The following ALDH1L1 variants were observed in gnomAD, a reference collection of about 807,000 sequenced individuals.
ALDH1L1 encodes the protein aldehyde dehydrogenase 1 family member L1.
ALDH1L1 carries 68 observed loss-of-function variants against 101.1 expected under a neutral mutation model. The ratio of observed to expected loss-of-function variants is 0.67; its 90% CI spans 0.55 to 0.82. The LOEUF is 0.82. Among genes scored for constraint, ALDH1L1 ranks in the 40% least tolerant of loss-of-function variants. ALDH1L1 has a pLI of 0.00. For synonymous variants in ALDH1L1, 486 were observed against 470.8 expected, an observed-to-expected ratio of 1.03 and a Z score of -0.42; for missense variants, 1,087 against 1,172.7, an observed-to-expected ratio of 0.93 and a Z score of 1.07.
chr3:126,108,228 C>G lies in ALDH1L1; in HGVS notation c.2348-982G>C, dbSNP rs548150367. On this transcript the variant is annotated intron_variant, in intron 20 of 22. Coordinates refer to ENST00000393434, the MANE Select transcript of ALDH1L1 (RefSeq NM_012190.4). ...CCTCTGTCATCCCCTCCCCATCTAC[C>G]TTGTACTCTCCCCTGTCCCCTCTAG... Among the ~76,000 whole-genome samples, 167 of 152,286 alleles carry G rather than the reference C, an allele frequency of 1.1e-3. 1 individual carries two copies. The highest frequency in any genetic ancestry group is 7.5e-3 in the South Asian group (36 of 4,824).
chr3:126,108,400 G>A (rs568291854), intron 20 of ALDH1L1, among the ~76,000 whole-genome samples: 2 of 152,278 alleles, frequency 1.3e-5, no homozygotes, highest in South Asian at 2.1e-4. Flanking sequence ...TGGTTCCTGG[G>A]TGCTGCTCTA....
intron 9 of ALDH1L1, 120 bp downstream of exon 9, chr3:126,146,715 G>A (rs1486234582): frequency 8.4e-6 from 9 of 1,071,180 alleles, no homozygotes; most frequent in Admixed American, 7.2e-5. Context: ...CCCTTCCTGG[G>A]TCCCTGGCCC....
chr3:126,160,536 A>G (rs1042526055), intron 2 of ALDH1L1: 2 of 293,852 alleles, frequency 6.8e-6, no homozygotes, highest in Non-Finnish European at 1.3e-5. Flanking sequence ...GAACATGGAG[A>G]CCTTCCCAAT....
intron 1 of ALDH1L1, among the ~76,000 whole-genome samples, chr3:126,174,768 T>A (rs1282670607): frequency 6.6e-6 from 1 of 152,106 alleles, no homozygotes; most frequent in African/African-American, 2.4e-5. Context: ...TAGAGGGAAA[T>A]TTAGAGCACT....
intron 9 of ALDH1L1, among the ~76,000 whole-genome samples, chr3:126,139,109 A>T (rs1380896549): frequency 6.6e-6 from 1 of 152,216 alleles, no homozygotes; most frequent in African/African-American, 2.4e-5. Flanking sequence ...TCCTCTGACC[A>T]CCAGCATTGT....
chr3:126,106,739 T>G (rs992779694), intron 21 of ALDH1L1, among the ~76,000 whole-genome samples: 2 of 152,182 alleles, frequency 1.3e-5, no homozygotes, highest in African/African-American at 4.8e-5. Flanking sequence ...AGACACTGCA[T>G]GGAGCAGAGA....
intron 14 of ALDH1L1, among the ~76,000 whole-genome samples, chr3:126,127,312 C>T (rs2080208605): frequency 6.6e-6 from 1 of 152,154 alleles, no homozygotes; most frequent in Non-Finnish European, 1.5e-5. Context: ...CTTTCATTAG[C>T]CTTGCTGCCT....
rs1242800200 is a variant in ALDH1L1, at chr3:126,150,410, A to T, written c.980T>A (p.Val327Glu). 1.9e-6 allele frequency: 3 copies of T among 1,551,156 alleles called. No homozygotes were observed. The highest frequency in any genetic ancestry group is 2.6e-6 in the Non-Finnish European group (3 of 1,146,782). The change falls in exon 8 of 23, where the codon GTG becomes GAG. Residue 327 changes from valine (V) to glutamate (E), a missense_variant. Coordinates refer to ENST00000393434, the MANE Select transcript of ALDH1L1 (RefSeq NM_012190.4). The part of the protein sequence containing the change: ...TEAELVTAEA[V>E]RSVWQRILPK... Reference sequence around the variant, plus strand: ...AGCCCTGAAGTTGCCTCTTACCCGCACAGCCTCCGCAGTAACCAGCTCTGC... The same window carrying T: ...AGCCCTGAAGTTGCCTCTTACCCGCTCAGCCTCCGCAGTAACCAGCTCTGC...
At chr3:126,181,177 G>T, upstream of ALDH1L1, 1 of 651,960 alleles carries the variant, frequency 1.5e-6, no homozygotes, top group Non-Finnish European at 2.7e-6. Context: ...CTCAGTCCTG[G>T]TGCCGCAGAC....
chr3:126,153,657 C>T (rs866552575), intron 6 of ALDH1L1, 76 bp from the exon 7 acceptor site: 1 of 1,544,700 alleles, frequency 6.5e-7, no homozygotes. Flanking sequence ...CAGGTCTGAG[C>T]AGGGCTGGGA....
intron 9 of ALDH1L1, among the ~76,000 whole-genome samples, chr3:126,144,815 G>T (rs532997332): frequency 2.8e-4 from 43 of 152,198 alleles, no homozygotes; most frequent in South Asian, 1.4e-3. Context: ...CACACCAAAA[G>T]AACTGGAAAC....
At position 126,149,705 on chromosome 3, in the gene ALDH1L1, T is replaced by C. The variant is rs1576460219; in HGVS notation, c.984+701A>G. 2.0e-5 allele frequency among the ~76,000 whole-genome samples: 3 copies of C among 152,294 alleles called. No individual in the cohort carries two copies. The East Asian group carries it at 5.8e-4, about 29-fold the overall frequency. Reference sequence around the variant, plus strand: ...GTCCCCAGCTGTGCCCACCTGACTCTGCCCCTCACCCCCTGGGCTCCAGCT... The same window carrying C: ...GTCCCCAGCTGTGCCCACCTGACTCCGCCCCTCACCCCCTGGGCTCCAGCT... On this transcript the variant is annotated intron_variant, in intron 8 of 22. Transcript: ENST00000393434.
In ALDH1L1 at chr3:126,130,295, T is replaced by C; in HGVS notation, c.1624-2A>G. 1 of 1,607,288 alleles carries C rather than the reference T, an allele frequency of 6.2e-7. No individual in the cohort carries two copies. The highest frequency in any genetic ancestry group is 8.5e-7 in the Non-Finnish European group (1 of 1,176,728). ...CTGGTTGATGGGGATGGTGGAGCCC[T>C]GGAAGAGGAACAGGGGCAGTCACCC... is the stretch of plus-strand genomic sequence containing the variant. On this transcript the variant is annotated splice_acceptor_variant, in intron 13 of 22. Transcript: ENST00000393434. LOFTEE classifies it high-confidence loss of function.
Position 126,105,924 on chromosome 3 carries a change from C to T in ALDH1L1, c.2455G>A (p.Asp819Asn). ...VMIISRFADG[D>N]LDAVLSRANA... ...GCCCGAGACAGCACGGCATCCAAGT[C>T]CCTGGAGAGAAAGTCCAGGAAGAAC... Residue 819 changes from aspartate to asparagine, a missense_variant and splice_region_variant, in exon 22 of 23, where the codon GAC becomes AAC. Coordinates refer to ENST00000393434, the MANE Select transcript of ALDH1L1 (RefSeq NM_012190.4). 6.2e-7 allele frequency: 1 copy of T among 1,611,678 alleles called. No individual in the cohort carries two copies. Among genetic ancestry groups the T allele is most frequent in the Non-Finnish European group, 8.5e-7 (1 of 1,177,970 alleles).
chr3:126,178,448 G>A lies in ALDH1L1; in HGVS notation c.-24+2028C>T, dbSNP rs191334323. Among the ~76,000 whole-genome samples, 213 of 150,656 alleles carry A rather than the reference G, an allele frequency of 1.4e-3. 2 individuals carry two copies. Among genetic ancestry groups the A allele is most frequent in the African/African-American group, 4.8e-3 (197 of 41,124 alleles). ...TAGAAAGAAAAATAGGAGAAAGCGC[G>A]CAGGAAGGGACAGACTGAGAATATG... On this transcript the variant is annotated intron_variant, in intron 1 of 22. Coordinates refer to ENST00000393434, the MANE Select transcript of ALDH1L1 (RefSeq NM_012190.4).
chr3:126,192,236 G>C (rs1350580654), intron 1 of ALDH1L1, among the ~76,000 whole-genome samples: 1 of 151,970 alleles, frequency 6.6e-6, no homozygotes, highest in Non-Finnish European at 1.5e-5. Flanking sequence ...TTTTTAACTG[G>C]TAAGACTGGA....
intron 1 of ALDH1L1, among the ~76,000 whole-genome samples, chr3:126,191,333 C>A: frequency 6.6e-6 from 1 of 152,296 alleles, no homozygotes; most frequent in South Asian, 2.1e-4. Context: ...GCAGCTGTGG[C>A]TACTGCTTTT....
chr3:126,158,304 T>C (rs2080958415), intron 3 of ALDH1L1, 101 bp downstream of exon 3: 2 of 1,194,846 alleles, frequency 1.7e-6, no homozygotes, highest in African/African-American at 1.5e-5. Context: ...CGATGCCCAC[T>C]CTGCAGCCCT....
chr3:126,170,921 T>C (rs1482565145), intron 1 of ALDH1L1, among the ~76,000 whole-genome samples: 1 of 152,144 alleles, frequency 6.6e-6, no homozygotes, highest in Non-Finnish European at 1.5e-5. Context: ...CCTCATACGA[T>C]GGGCCCCAGT....
Sources: gnomAD v4.1 joint callset for allele counts (sites outside exome capture counted in the v4.1 genomes callset) on GRCh38, gnomAD v4.1.1 for gene constraint, MANE v1.5 for transcripts, NCBI Gene and HGNC (gene_info 2026-07-23, HGNC 2026-07-21) for gene names.